SRSF1: variants seen among roughly 807,000 people sequenced by gnomAD.
The protein encoded by SRSF1 is serine/arginine-rich splicing factor 1.
SRSF1 carries 1 observed loss-of-function variant against 25.9 expected under a neutral mutation model. The ratio of observed to expected loss-of-function variants is 0.04; its 90% CI spans 0.01 to 0.18. SRSF1 has a LOEUF of 0.18. Ranked by LOEUF, SRSF1 falls within the 10% of genes least tolerant of loss-of-function variation. The pLI, the probability that SRSF1 is intolerant of heterozygous loss-of-function variation, is 1.00. For missense variants in SRSF1, 65 were observed against 350.5 expected (o/e 0.19, Z 6.50); for synonymous variants, 132 against 126.2 (o/e 1.05, Z -0.31).
the SRSF1 span, chr17:57,989,219 TATG>T: frequency 3.0e-5 from 12 of 398,494 alleles, no homozygotes; most frequent in Non-Finnish European, 5.3e-5. Context: ...GAGGAGCCTG[TATG>T]ATGATGTCCT....
the SRSF1 span, chr17:57,992,274 T>C: frequency 6.6e-6 from 1 of 151,952 alleles, no homozygotes; most frequent in Admixed American, 6.6e-5. Flanking sequence ...AAGTAAGAAA[T>C]TCAATACAAC....
chr17:57,997,087 C>T (rs1363764941), downstream of SRSF1, among the ~76,000 whole-genome samples: 3 of 152,076 alleles, frequency 2.0e-5, no homozygotes, highest in Non-Finnish European at 2.9e-5. Context: ...ACCTAGGAGG[C>T]AACTATTTAG....
At chr17:57,989,185 C>CTGGA in the SRSF1 span, 1 of 398,608 alleles carries the variant, frequency 2.5e-6, no homozygotes, top group Non-Finnish European at 4.4e-6. Flanking sequence ...GTGTAGGCGT[C>CTGGA]ACTGCTACTG....
rs2075415846 is a variant in SRSF1 at position 58,004,773 on chromosome 17, A to T, written c.*633T>A. On this transcript the variant is annotated 3_prime_UTR_variant, in exon 4 of 4. Coordinates refer to ENST00000258962, the MANE Select transcript of SRSF1 (RefSeq NM_006924.5). Reference sequence around the variant, plus strand: ...AATTTTGCCACAATTGCCAAGGTTTAAAAAGCAAAGCAATTGTAGCTAAAG... The same window carrying T: ...AATTTTGCCACAATTGCCAAGGTTTTAAAAGCAAAGCAATTGTAGCTAAAG... 1 of 392,012 alleles carries T rather than the reference A, an allele frequency of 2.6e-6. No individual in the cohort carries two copies. The highest frequency in any genetic ancestry group is 4.5e-6 in the Non-Finnish European group (1 of 222,236). The allele number at this position is 392,012 out of a possible 1,614,324, so 24.3% of individuals were successfully genotyped here.
intron 2 of SRSF1, 73 bp from the exon 3 acceptor site, chr17:58,006,046 G>C (rs1022346439): frequency 7.0e-7 from 1 of 1,426,864 alleles, no homozygotes. Context: ...GGTACATTAG[G>C]ACAAAGAGTA....
At chr17:57,995,589 T>C in the SRSF1 span, among the ~76,000 whole-genome samples, 1 of 152,170 alleles carries the variant, frequency 6.6e-6, no homozygotes, top group Non-Finnish European at 1.5e-5. Context: ...GGTAAGAACA[T>C]GGATCAAAGA....
the SRSF1 span, chr17:57,991,813 A>T: frequency 6.6e-6 from 1 of 152,190 alleles, no homozygotes; most frequent in Non-Finnish European, 1.5e-5. Flanking sequence ...CTGAAGTGTC[A>T]CCAGGAGTTA....
At chr17:57,999,101 A>G (rs1157512150), downstream of SRSF1, among the ~76,000 whole-genome samples, 2 of 152,206 alleles carry the variant, frequency 1.3e-5, no homozygotes, top group African/African-American at 4.8e-5. Flanking sequence ...CTTTTTGATC[A>G]CAAGACAACC....
rs2075392665 is a variant in SRSF1, at chr17:58,001,765, C to G, written c.*3641G>C. ...TTCTGAGACTATAAATAGGAGCAGT[C>G]CATACTTCCCATCACAGCTTTTAGC... On this transcript the variant is annotated 3_prime_UTR_variant, in exon 4 of 4. Transcript: ENST00000258962. 6.6e-6 allele frequency among the ~76,000 whole-genome samples: 1 copy of G among 152,172 alleles called. No homozygotes were observed. Among genetic ancestry groups the G allele is most frequent in the Admixed American group, 6.5e-5 (1 of 15,278 alleles).
intron 1 of SRSF1, 60 bp from the exon 2 acceptor site, chr17:58,006,587 T>C (rs2075429959): frequency 6.6e-7 from 1 of 1,524,620 alleles, no homozygotes; most frequent in South Asian, 1.2e-5. Flanking sequence ...CTCGCTCAGT[T>C]GGGAACCAGC....
chr17:57,994,743 A>G, the SRSF1 span: 3 of 152,238 alleles, frequency 2.0e-5, no homozygotes, highest in Non-Finnish European at 4.4e-5. Flanking sequence ...TTCCCAGTTC[A>G]TAATTTTAAT....
chr17:57,989,577 A>G, the SRSF1 span: 1 of 398,068 alleles, frequency 2.5e-6, no homozygotes, highest in African/African-American at 2.1e-5. Context: ...AGATATAGTA[A>G]TTTGACAGTG....
In SRSF1 at chr17:58,000,977, T is replaced by G. The variant is rs1169630145; in HGVS notation, c.*4429A>C. 3.3e-5 allele frequency among the ~76,000 whole-genome samples: 5 copies of G among 152,304 alleles called. 1 individual carries two copies. Among genetic ancestry groups the G allele is most frequent in the Admixed American group, 3.3e-4 (5 of 15,302 alleles). On this transcript the variant is annotated 3_prime_UTR_variant, in exon 4 of 4. Transcript: ENST00000258962. ...AACAGAAAATCTTTTGTTTTCGTAG[T>G]TTTTGGATTTCAAAAAATGGATAAG...
In SRSF1 at chr17:58,007,174, T is replaced by TC. The variant is rs770075915; in HGVS notation, c.-38dup. 6.8e-6 allele frequency: 11 copies of TC among 1,609,992 alleles called. 1 individual carries two copies. In the Admixed American group the frequency reaches 1.8e-4, roughly 27 times the overall value. On this transcript the variant is annotated 5_prime_UTR_variant, in exon 1 of 4. Coordinates refer to ENST00000258962, the MANE Select transcript of SRSF1 (RefSeq NM_006924.5). ...AAAGCGCGGACTCGAGAACAGGCCT[T>TC]CCCACCAAGCCTAGCGCACGGCAGA...
chr17:57,989,047 C>CAAG, the SRSF1 span: 79,117 of 394,454 alleles, frequency 0.2, 11,412 homozygotes, highest in African/African-American at 0.53. Flanking sequence ...ATAGTATAGA[C>CAAG]AAATTATTTT....
intron 1 of SRSF1, 46 bp from the exon 2 acceptor site, chr17:58,006,573 G>C (rs2233911): frequency 5.8e-6 from 9 of 1,557,386 alleles, no homozygotes; most frequent in Non-Finnish European, 7.8e-6. Flanking sequence ...ACCAGGAGGA[G>C]AAGCTCGCTC....
chr17:58,004,584 G>T lies in SRSF1; in HGVS notation c.*822C>A, dbSNP rs376615168. On this transcript the variant is annotated 3_prime_UTR_variant, in exon 4 of 4. Transcript: ENST00000258962. Reference sequence around the variant, plus strand: ...ATTGATATTATACTCTATCTTGTTGGATTTAAAAACACCCTGTACCCACAT... The same window carrying T: ...ATTGATATTATACTCTATCTTGTTGTATTTAAAAACACCCTGTACCCACAT... 5.8e-6 allele frequency: 1 copy of T among 173,224 alleles called. No individual in the cohort carries two copies. The highest frequency in any genetic ancestry group is 2.0e-4 in the South Asian group (1 of 5,018). 10.7% of individuals were successfully genotyped at this position (173,224 alleles called of 1,614,324 possible). A position where few individuals can be genotyped will look rare whatever the true frequency, so the allele number is the denominator to read the frequency against.
At chr17:57,993,684 T>G in the SRSF1 span, 1 of 152,204 alleles carries the variant, frequency 6.6e-6, no homozygotes, top group African/African-American at 2.4e-5. Context: ...TGATGAACAA[T>G]TATTAAGGTA....
Position 58,003,420 on chromosome 17 carries a change from A to G in SRSF1, c.*1986T>C, listed in dbSNP as rs946193976. On this transcript the variant is annotated 3_prime_UTR_variant, in exon 4 of 4. Transcript: ENST00000258962. ...AACACAAGAGTCAAAATCTTATCTT[A>G]CTTAACAATTTAAAGATTAACTGAT... 6.6e-6 allele frequency: 1 copy of G among 152,222 alleles called. No homozygotes were observed. Among genetic ancestry groups the G allele is most frequent in the Non-Finnish European group, 1.5e-5 (1 of 68,040 alleles). 9.4% of individuals were successfully genotyped at this position (152,222 alleles called of 1,614,324 possible).
Sources: allele counts gnomAD v4.1 joint callset (sites outside exome capture counted in the v4.1 genomes callset), GRCh38; gene constraint gnomAD v4.1.1; transcripts MANE v1.5; gene names NCBI Gene and HGNC (gene_info 2026-07-23, HGNC 2026-07-21).